The following PRUNE2 variants were observed in gnomAD, a reference collection of about 807,000 sequenced individuals.
PRUNE2 encodes prune homolog 2 with BCH domain, also known as protein prune homolog 2.
A neutral mutation model predicts 252.0 loss-of-function variants in PRUNE2; 164 were observed. The observed-to-expected ratio is 0.65, with a 90% CI of 0.57 to 0.74. PRUNE2 has a LOEUF of 0.74. Among genes scored for constraint, PRUNE2 ranks in the 30% least tolerant of loss-of-function variants. PRUNE2 has a pLI of 0.00. For synonymous variants in PRUNE2, 1,292 were observed against 1,350.2 expected (o/e 0.96, Z 0.94); for missense variants, 3,495 against 3,711.0 (o/e 0.94, Z 1.51).
chr9:76,809,851 T>C (rs2057235916), intron 6 of PRUNE2, among the ~76,000 whole-genome samples: 1 of 152,188 alleles, frequency 6.6e-6, no homozygotes, highest in Admixed American at 6.5e-5. Context: ...GGTGATTAAG[T>C]GGATGGATAA....
chr9:76,633,123 G>C (rs1465486286), intron 15 of PRUNE2, among the ~76,000 whole-genome samples: 1 of 151,988 alleles, frequency 6.6e-6, no homozygotes, highest in Non-Finnish European at 1.5e-5. Context: ...TTGGGAGGTG[G>C]AGGCAGGAGA....
Position 76,636,520 on chromosome 9 carries a change from G to T in PRUNE2, c.9001C>A (p.Pro3001Thr). 2 of 1,555,124 alleles carry T rather than the reference G, an allele frequency of 1.3e-6. No individual in the cohort carries two copies. Among genetic ancestry groups the T allele is most frequent in the Admixed American group, 1.9e-5 (1 of 52,612 alleles). ...AGGATTGTTCTGATGAACCAAGATGGATGAACAATGATGAATGATTTCAAA... is the reference window on the plus strand; with the variant it reads ...AGGATTGTTCTGATGAACCAAGATGTATGAACAATGATGAATGATTTCAAA... ...KNLKSFIIVH[P>T]SWFIRTILAV... The change falls in exon 15 of 19, where the codon CCA becomes ACA. Residue 3001 changes from proline (P) to threonine (T), a missense_variant. Pro to Thr is a conservative substitution (Grantham distance 38). Coordinates refer to ENST00000376718, the MANE Select transcript of PRUNE2 (RefSeq NM_015225.3).
intron 6 of PRUNE2, among the ~76,000 whole-genome samples, chr9:76,722,552 A>G (rs2047739589): frequency 6.6e-6 from 1 of 152,230 alleles, no homozygotes; most frequent in Non-Finnish European, 1.5e-5. Context: ...AATTAAAACT[A>G]CTACAATATG....
intron 8 of PRUNE2, among the ~76,000 whole-genome samples, chr9:76,704,412 A>T (rs192335397): frequency 7.9e-4 from 121 of 152,234 alleles, no homozygotes; most frequent in African/African-American, 2.8e-3. Context: ...TTTAGTAGAC[A>T]TGGGGTTTCA....
intron 8 of PRUNE2, 59 bp downstream of exon 8, chr9:76,704,702 T>C: frequency 8.6e-7 from 1 of 1,161,756 alleles, no homozygotes; most frequent in East Asian, 2.6e-5. Flanking sequence ...CTTACAAATA[T>C]GCACTAGTTT....
chr9:76,666,433 T>G (rs1164784845), intron 9 of PRUNE2, among the ~76,000 whole-genome samples: 1 of 152,226 alleles, frequency 6.6e-6, no homozygotes, highest in Non-Finnish European at 1.5e-5. Context: ...TGTTCCATCC[T>G]GTACACCAGG....
At position 76,731,326 on chromosome 9, in the gene PRUNE2, T is replaced by TATATATA. The variant is rs1282077047; in HGVS notation, c.757-17606_757-17605insTATATAT. Reference sequence around the variant, plus strand: ...TCTATCTATCTATATATATATATATTTTTTTTTTTTTTTTGAGACAGGGTA... The same window carrying TATATATA: ...TCTATCTATCTATATATATATATATTATATATATTTTTTTTTTTTTTGAGACAGGGTA... On this transcript the variant is annotated intron_variant, in intron 6 of 18. Coordinates refer to ENST00000376718, the MANE Select transcript of PRUNE2 (RefSeq NM_015225.3). Among the ~76,000 whole-genome samples the TATATATA allele has an allele frequency of 1.1e-4, 11 of 100,940 alleles. 1 individual carries two copies. Among genetic ancestry groups the TATATATA allele is most frequent in the African/African-American group, 3.6e-4 (8 of 22,108 alleles). 66.2% of individuals were successfully genotyped at this position (100,940 alleles called of 152,430 possible). A position where few individuals can be genotyped will look rare whatever the true frequency, so the allele number is the denominator to read the frequency against.
At chr9:76,652,955 A>T (rs1847981537) in intron 10 of PRUNE2, among the ~76,000 whole-genome samples, 1 of 152,142 alleles carries the variant, frequency 6.6e-6, no homozygotes, top group Non-Finnish European at 1.5e-5. Flanking sequence ...CTTAACCTAT[A>T]CGTGGCTGCC....
intron 6 of PRUNE2, among the ~76,000 whole-genome samples, chr9:76,814,208 C>A (rs1217578378): frequency 6.6e-6 from 1 of 152,124 alleles, no homozygotes; most frequent in Non-Finnish European, 1.5e-5. Context: ...ACTGCTGATT[C>A]CCCTTATAAT....
In PRUNE2 at chr9:76,706,025, A is replaced by G; in HGVS notation, c.6249T>C (p.Asp2083=). The change falls in exon 8 of 19, where the codon GAT becomes GAC. Residue 2083 remains aspartate (D), a synonymous_variant. Transcript: ENST00000376718. ...GCGTCAGGATATCAGGATTCTCACCATCTGCTTTCAAACTGAAGGGCTTCT... is the reference window on the plus strand; with the variant it reads ...GCGTCAGGATATCAGGATTCTCACCGTCTGCTTTCAAACTGAAGGGCTTCT... The part of the protein sequence containing the change: ...DAKKPFSLKA[D]GENPDILTHC... The G allele has an allele frequency of 6.2e-7, 1 of 1,614,018 alleles. No homozygotes were observed. Among genetic ancestry groups the G allele is most frequent in the Non-Finnish European group, 8.5e-7 (1 of 1,179,876 alleles).
In PRUNE2 at chr9:76,709,314, T is replaced by C. The variant is rs756335242; in HGVS notation, c.2960A>G (p.His987Arg). 35 of 1,613,908 alleles carry C rather than the reference T, an allele frequency of 2.2e-5. No homozygotes were observed. The highest frequency in any genetic ancestry group is 2.5e-5 in the Non-Finnish European group (30 of 1,179,892). ...TFAGDEKETE[H>R]KPFAKEEGFE... Reference sequence around the variant, plus strand: ...ACCTTCCTCTTTAGCAAATGGCTTGTGTTCAGTTTCCTTTTCGTCTCCAGC... The same window carrying C: ...ACCTTCCTCTTTAGCAAATGGCTTGCGTTCAGTTTCCTTTTCGTCTCCAGC... Residue 987 changes from histidine to arginine, a missense_variant, in exon 8 of 19, where the codon CAC (histidine) becomes CGC (arginine). Coordinates refer to ENST00000376718, the MANE Select transcript of PRUNE2 (RefSeq NM_015225.3).
intron 1 of PRUNE2, among the ~76,000 whole-genome samples, chr9:76,903,200 T>C (rs935733478): frequency 6.6e-6 from 1 of 152,214 alleles, no homozygotes; most frequent in African/African-American, 2.4e-5. Flanking sequence ...GGAGATTATA[T>C]CTATGGCTAA....
intron 6 of PRUNE2, among the ~76,000 whole-genome samples, chr9:76,719,636 T>G (rs1366007049): frequency 7.3e-5 from 11 of 151,722 alleles, no homozygotes; most frequent in African/African-American, 2.4e-4. Flanking sequence ...AAAAAAAGAT[T>G]AAAAAAATAT....
At chr9:76,661,185 A>C (rs115461824) in intron 9 of PRUNE2, among the ~76,000 whole-genome samples, 3,252 of 152,276 alleles carry the variant, frequency 0.021, 129 homozygotes, top group African/African-American at 0.074. Flanking sequence ...GTTGACAAGA[A>C]AGTGGTATTT....
intron 6 of PRUNE2, among the ~76,000 whole-genome samples, chr9:76,748,922 C>T (rs60820134): frequency 0.16 from 23,899 of 152,020 alleles, 2,251 homozygotes; most frequent in East Asian, 0.49. Flanking sequence ...AGAATTAATA[C>T]GAGTGAGGCG....
intron 6 of PRUNE2, among the ~76,000 whole-genome samples, chr9:76,732,045 T>A (rs2048658663): frequency 6.6e-6 from 1 of 152,190 alleles, no homozygotes. Context: ...CCGGGCGCGG[T>A]GGCTCACGCC....
chr9:76,822,558 A>G (rs1217994712), intron 6 of PRUNE2, among the ~76,000 whole-genome samples: 2 of 152,248 alleles, frequency 1.3e-5, no homozygotes, highest in East Asian at 3.9e-4. Flanking sequence ...CAGTAATCCC[A>G]GCACTTTGGG....
At chr9:76,746,444 G>A (rs1327670889) in intron 6 of PRUNE2, among the ~76,000 whole-genome samples, 1 of 152,000 alleles carries the variant, frequency 6.6e-6, no homozygotes, top group Non-Finnish European at 1.5e-5. Flanking sequence ...GGTGGCTCAC[G>A]CCTGTAATCC....
intron 9 of PRUNE2, among the ~76,000 whole-genome samples, chr9:76,693,905 G>A (rs2045093504): frequency 6.6e-6 from 1 of 152,192 alleles, no homozygotes; most frequent in African/African-American, 2.4e-5. Context: ...ACGGGGGTGG[G>A]GCCCACAGGA....
Sources: allele counts gnomAD v4.1 joint callset (sites outside exome capture counted in the v4.1 genomes callset), GRCh38; gene constraint gnomAD v4.1.1; transcripts MANE v1.5; gene names NCBI Gene and HGNC (gene_info 2026-07-23, HGNC 2026-07-21).